Variants in CLCN3 observed in about 807,000 individuals in gnomAD.
The protein encoded by CLCN3 is Cl-/H+ antiporter 3, also known as H(+)/Cl(-) exchange transporter 3.
CLCN3 carries 16 observed loss-of-function variants against 83.4 expected under a neutral mutation model. The ratio of observed to expected loss-of-function variants is 0.19; its 90% CI spans 0.13 to 0.29. CLCN3 has a LOEUF of 0.29. Among genes scored for constraint, CLCN3 ranks in the 10% least tolerant of loss-of-function variants. The pLI is 1.00. For synonymous variants in CLCN3, 322 were observed against 346.2 expected (o/e 0.93, Z 0.78); for missense variants, 544 against 1,006.0 (o/e 0.54, Z 6.21).
rs560588100 is a variant in CLCN3 at position 169,721,621 on chromosome 4, G to C, written c.*1624G>C. 52 of 152,246 alleles carry C rather than the reference G, an allele frequency of 3.4e-4. No homozygotes were observed. Among genetic ancestry groups the C allele is most frequent in the Non-Finnish European group, 6.6e-4 (45 of 68,022 alleles). The allele number at this position is 152,246 out of a possible 1,614,324, so 9.4% of individuals were successfully genotyped here. A position where few individuals can be genotyped will look rare whatever the true frequency, so the allele number is the denominator to read the frequency against. On this transcript the variant is annotated 3_prime_UTR_variant, in exon 13 of 13. Coordinates refer to ENST00000513761, the MANE Select transcript of CLCN3 (RefSeq NM_001829.4). The stretch of plus-strand genomic sequence containing the variant: ...TCTGAAAATAACCTTTGAATCTCGG[G>C]CTAGGTTACGTCCATATTTGAAGTG...
intron 1 of CLCN3, among the ~76,000 whole-genome samples, chr4:169,624,976 G>C (rs901317465): frequency 1.3e-5 from 2 of 151,966 alleles, no homozygotes; most frequent in African/African-American, 4.8e-5. Flanking sequence ...GCTTTTATTA[G>C]AGACGGGGTT....
intron 9 of CLCN3, among the ~76,000 whole-genome samples, chr4:169,702,477 G>C (rs889242433): frequency 2.0e-5 from 3 of 152,164 alleles, no homozygotes; most frequent in African/African-American, 7.2e-5. Context: ...GGTCTCAACA[G>C]TGGGCTTAAA....
At chr4:169,631,393 TCTC>T (rs1773365849) in intron 1 of CLCN3, among the ~76,000 whole-genome samples, 1 of 152,106 alleles carries the variant, frequency 6.6e-6, no homozygotes, top group African/African-American at 2.4e-5. Flanking sequence ...TTCACGCCAT[TCTC>T]CTGCCCCAGC....
At chr4:169,699,891 T>G (rs1265190481) in intron 9 of CLCN3, among the ~76,000 whole-genome samples, 3 of 151,972 alleles carry the variant, frequency 2.0e-5, no homozygotes, top group Non-Finnish European at 2.9e-5. Context: ...CAAAAAATAA[T>G]AATAAGAAGA....
chr4:169,627,392 A>T (rs759031739), intron 1 of CLCN3, among the ~76,000 whole-genome samples: 3 of 152,126 alleles, frequency 2.0e-5, no homozygotes, highest in African/African-American at 7.2e-5. Context: ...CAGCTTGCTT[A>T]CTTTTCTCAG....
intron 5 of CLCN3, among the ~76,000 whole-genome samples, chr4:169,689,856 A>G (rs959528036): frequency 2.6e-5 from 4 of 152,172 alleles, no homozygotes; most frequent in African/African-American, 9.7e-5. Context: ...ATTGAGTTTA[A>G]TGATCTGGAA....
chr4:169,653,777 G>A (rs72694764), intron 2 of CLCN3, among the ~76,000 whole-genome samples: 11,371 of 152,078 alleles, frequency 0.075, 474 homozygotes, highest in African/African-American at 0.12. Context: ...GGAAGCAGGC[G>A]TGTCACATGG....
intron 1 of CLCN3, among the ~76,000 whole-genome samples, chr4:169,623,626 A>G (rs1364529950): frequency 6.6e-6 from 1 of 152,138 alleles, no homozygotes; most frequent in African/African-American, 2.4e-5. Context: ...CCTCTAACTG[A>G]AACTTGGTAT....
intron 2 of CLCN3, among the ~76,000 whole-genome samples, chr4:169,639,049 A>C (rs1339348536): frequency 6.6e-6 from 1 of 152,098 alleles, no homozygotes; most frequent in Non-Finnish European, 1.5e-5. Context: ...CTTTTTTTGG[A>C]GACAGAGTCT....
chr4:169,722,439 G>A lies in CLCN3; in HGVS notation c.*2442G>A, dbSNP rs1733667167. The A allele has an allele frequency of 6.6e-6, 1 of 152,142 alleles. No homozygotes were observed. Among genetic ancestry groups the A allele is most frequent in the Admixed American group, 6.5e-5 (1 of 15,276 alleles). 9.4% of individuals were successfully genotyped at this position (152,142 alleles called of 1,614,324 possible). A position where few individuals can be genotyped will look rare whatever the true frequency, so the allele number is the denominator to read the frequency against. ...AAAATCATTTCTAAATGATAGTTCT[G>A]TATATCTCCAACTCGTCTTAAGTGT... On this transcript the variant is annotated 3_prime_UTR_variant, in exon 13 of 13. Coordinates refer to ENST00000513761, the MANE Select transcript of CLCN3 (RefSeq NM_001829.4).
chr4:169,689,605 A>G (rs558856126), intron 5 of CLCN3, among the ~76,000 whole-genome samples: 1 of 152,350 alleles, frequency 6.6e-6, no homozygotes, highest in South Asian at 2.1e-4. Context: ...TAGTAAAATC[A>G]ACCTACGTAG....
At chr4:169,681,875 CAT>C (rs1432201446) in intron 3 of CLCN3, among the ~76,000 whole-genome samples, 1 of 152,214 alleles carries the variant, frequency 6.6e-6, no homozygotes, top group East Asian at 1.9e-4. Flanking sequence ...GCTGGATTCT[CAT>C]ATCTGCTTTT....
In CLCN3 at chr4:169,689,249, C is replaced by T; in HGVS notation, c.606+19C>T. ...AGCAGAGGTAAGTCTTGCTTTGTCT[C>T]AAGATGAATTAATAATTGATATAGC... is the stretch of plus-strand genomic sequence containing the variant. On this transcript the variant is annotated intron_variant, in intron 5 of 12. Transcript: ENST00000513761. The T allele has an allele frequency of 6.3e-7, 1 of 1,587,926 alleles. No individual in the cohort carries two copies. The highest frequency in any genetic ancestry group is 8.6e-7 in the Non-Finnish European group (1 of 1,163,860).
In CLCN3 at chr4:169,707,883, A is replaced by G. The variant is rs181782309; in HGVS notation, c.2149+617A>G. On this transcript the variant is annotated intron_variant, in intron 11 of 12. Coordinates refer to ENST00000513761, the MANE Select transcript of CLCN3 (RefSeq NM_001829.4). ...TGTTTAAAGGTATTAGCCATAGTGTATTTCTTGGAGATAAATTAAACTTTC... is the reference window on the plus strand; with the variant it reads ...TGTTTAAAGGTATTAGCCATAGTGTGTTTCTTGGAGATAAATTAAACTTTC... Among the ~76,000 whole-genome samples, 11 of 152,282 alleles carry G rather than the reference A, an allele frequency of 7.2e-5. No individual in the cohort carries two copies. In the East Asian group the frequency reaches 2.1e-3, roughly 29 times the overall value.
intron 1 of CLCN3, among the ~76,000 whole-genome samples, chr4:169,631,567 C>T (rs1773371960): frequency 1.3e-5 from 2 of 152,198 alleles, no homozygotes; most frequent in Non-Finnish European, 2.9e-5. Context: ...GGGTTACAGG[C>T]GTGAGCCACC....
At chr4:169,711,155 G>A (rs186365357) in intron 11 of CLCN3, among the ~76,000 whole-genome samples, 63 of 152,100 alleles carry the variant, frequency 4.1e-4, no homozygotes, top group Admixed American at 2.9e-3. Context: ...TTACTCCCCC[G>A]TCCACATTTT....
At chr4:169,672,959 G>A (rs767759714) in intron 2 of CLCN3, among the ~76,000 whole-genome samples, 4 of 152,164 alleles carry the variant, frequency 2.6e-5, no homozygotes, top group South Asian at 2.1e-4. Flanking sequence ...CACCGCGCCC[G>A]GCTGTAAGTT....
chr4:169,718,469 G>T (rs538937743), intron 12 of CLCN3, among the ~76,000 whole-genome samples: 9 of 152,264 alleles, frequency 5.9e-5, no homozygotes, highest in African/African-American at 2.2e-4. Context: ...AAGTCACAGT[G>T]TGTGTCCTGC....
At chr4:169,673,805 C>G (rs549737170) in intron 2 of CLCN3, among the ~76,000 whole-genome samples, 1 of 152,134 alleles carries the variant, frequency 6.6e-6, no homozygotes. Flanking sequence ...TCTGTATTCT[C>G]CAAGTACGAT....
Sources: allele counts gnomAD v4.1 joint callset (sites outside exome capture counted in the v4.1 genomes callset), GRCh38; gene constraint gnomAD v4.1.1; transcripts MANE v1.5; gene names NCBI Gene and HGNC (gene_info 2026-07-23, HGNC 2026-07-21).